The following CCDC171 variants were observed in gnomAD, a reference collection of about 807,000 sequenced individuals.
The protein encoded by CCDC171 is coiled-coil domain containing 171.
Under a neutral mutation model 168.2 loss-of-function variants are expected in CCDC171, and 177 were observed. That is an observed-to-expected ratio of 1.05 (90% CI 0.93 to 1.19). The LOEUF is 1.19. CCDC171 is among the 50% of genes most tolerant of loss of function. The pLI, the probability that CCDC171 is intolerant of heterozygous loss-of-function variation, is 0.00. For synonymous variants in CCDC171, 687 were observed against 540.8 expected, an observed-to-expected ratio of 1.27 and a Z score of -3.75; for missense variants, 1,991 against 1,539.0, an observed-to-expected ratio of 1.29 and a Z score of -4.91.
intron 18 of CCDC171, among the ~76,000 whole-genome samples, chr9:15,759,724 C>T (rs1007713583): frequency 2.6e-5 from 4 of 152,154 alleles, no homozygotes; most frequent in African/African-American, 7.2e-5. Context: ...AGAAGTGACA[C>T]TGTACTTTGC....
intron 7 of CCDC171, among the ~76,000 whole-genome samples, chr9:15,650,165 C>T (rs372005607): frequency 2.7e-4 from 41 of 152,164 alleles, no homozygotes; most frequent in Admixed American, 5.2e-4. Flanking sequence ...AACCAAACAC[C>T]GCATGTTCTC....
intron 1 of CCDC171, among the ~76,000 whole-genome samples, chr9:16,059,504 T>C (rs35510860): frequency 3.1e-5 from 4 of 130,988 alleles, no homozygotes; most frequent in African/African-American, 8.6e-5. Context: ...TTTTTTTTTT[T>C]CTTTTTTTTT....
chr9:15,591,665 T>G (rs2042017124), intron 5 of CCDC171, 109 bp downstream of exon 5: 2 of 665,102 alleles, frequency 3.0e-6, no homozygotes, highest in South Asian at 4.3e-5. Context: ...TCCTTCCTCC[T>G]TCCTTCCTCC....
rs1357340796 is a variant in CCDC171, at chr9:15,596,577, G to A, written c.675+2405G>A. Among the ~76,000 whole-genome samples the A allele has an allele frequency of 2.0e-3, 282 of 143,892 alleles. 2 individuals carry two copies. The highest frequency in any genetic ancestry group is 6.8e-3 in the African/African-American group (263 of 38,406). The allele number at this position is 143,892 out of a possible 152,430, so 94.4% of individuals were successfully genotyped here. ...GTAGTATAGTTTGAAGTCAGGTAGC[G>A]TGATGCCTCCAGCTTTGTTCTTTTG... On this transcript the variant is annotated intron_variant, in intron 6 of 25. Coordinates refer to ENST00000380701, the MANE Select transcript of CCDC171 (RefSeq NM_173550.4).
At chr9:15,990,676 C>G (rs139631667) in intron 3 of CCDC171, among the ~76,000 whole-genome samples, 11,619 of 152,146 alleles carry the variant, frequency 0.076, 1,461 homozygotes, top group African/African-American at 0.27. Context: ...GTATTCAGGA[C>G]ACCCATCTTA....
At chr9:15,854,962 C>G (rs1453239646) in intron 23 of CCDC171, among the ~76,000 whole-genome samples, 1 of 151,426 alleles carries the variant, frequency 6.6e-6, no homozygotes, top group Non-Finnish European at 1.5e-5. Context: ...GATTTCTATC[C>G]TTTTTAAGTT....
chr9:16,099,948 T>C, the CCDC171 span, among the ~76,000 whole-genome samples: 1 of 151,534 alleles, frequency 6.6e-6, no homozygotes, highest in African/African-American at 2.4e-5. Context: ...GGCCAGTCTA[T>C]GACAAACTAG....
chr9:15,875,182 G>C (rs1178210569), intron 24 of CCDC171: 1 of 151,958 alleles, frequency 6.6e-6, no homozygotes, highest in Non-Finnish European at 1.5e-5. Context: ...TTCTATTGAA[G>C]AGTATTTTAC....
chr9:15,928,264 G>A (rs1826106914), intron 25 of CCDC171, among the ~76,000 whole-genome samples: 1 of 151,658 alleles, frequency 6.6e-6, no homozygotes, highest in African/African-American at 2.4e-5. Context: ...TATAACTGAG[G>A]GACTTCACTT....
chr9:16,009,464 TA>T (rs1564117047), intron 3 of CCDC171, among the ~76,000 whole-genome samples: 1 of 152,160 alleles, frequency 6.6e-6, no homozygotes, highest in Admixed American at 6.6e-5. Context: ...ATTTTTCTAA[TA>T]AAAAAGGAGA....
In CCDC171 at chr9:15,744,705, A is replaced by G. The variant is rs1414186578; in HGVS notation, c.2482A>G (p.Met828Val). ...ATCATGTGCCTCTCTTTTTACCTGG[A>G]TGGAGAGTTTCAAAGAAGGCATAGG... The part of the protein sequence containing the change: ...GQSCASLFTW[M>V]ESFKEGIGML... The change falls in exon 17 of 26, where the codon ATG becomes GTG. Residue 828 changes from methionine (M) to valine (V), a missense_variant. By Grantham distance (21) the Met-to-Val change is conservative. Transcript: ENST00000380701. 4 of 1,613,998 alleles carry G rather than the reference A, an allele frequency of 2.5e-6. No homozygotes were observed. The highest frequency in any genetic ancestry group is 3.4e-6 in the Non-Finnish European group (4 of 1,180,010).
chr9:16,105,818 A>G, the CCDC171 span, among the ~76,000 whole-genome samples: 1 of 152,250 alleles, frequency 6.6e-6, no homozygotes, highest in Non-Finnish European at 1.5e-5. Context: ...AAATGTATGT[A>G]TCACAAGCAA....
At chr9:16,061,626 C>T (rs1051649053), downstream of CCDC171, 9 of 152,300 alleles carry the variant, frequency 5.9e-5, no homozygotes, top group African/African-American at 2.2e-4. Context: ...AATGCTAATA[C>T]AATACTACTG....
intron 23 of CCDC171, among the ~76,000 whole-genome samples, chr9:15,868,846 A>G (rs1280549895): frequency 1.3e-5 from 2 of 151,974 alleles, no homozygotes; most frequent in Non-Finnish European, 1.5e-5. Flanking sequence ...TATGGAGAGT[A>G]CGGTTGTCCC....
chr9:15,692,035 A>G (rs1052713320), intron 10 of CCDC171, among the ~76,000 whole-genome samples: 1 of 152,196 alleles, frequency 6.6e-6, no homozygotes, highest in Non-Finnish European at 1.5e-5. Flanking sequence ...GGACTTCTTG[A>G]GTATTTTATA....
At chr9:15,612,168 G>A (rs2043747077) in intron 6 of CCDC171, among the ~76,000 whole-genome samples, 1 of 152,170 alleles carries the variant, frequency 6.6e-6, no homozygotes, top group Non-Finnish European at 1.5e-5. Flanking sequence ...CTAGTTTATG[G>A]TATATCTTGT....
intron 23 of CCDC171, among the ~76,000 whole-genome samples, chr9:15,871,583 C>G (rs541318764): frequency 1.3e-5 from 2 of 151,982 alleles, no homozygotes; most frequent in East Asian, 3.9e-4. Flanking sequence ...ATCCAATAAG[C>G]TGTACTTCCT....
chr9:15,748,837 A>C (rs957553540), intron 18 of CCDC171, among the ~76,000 whole-genome samples: 21 of 152,170 alleles, frequency 1.4e-4, no homozygotes, highest in African/African-American at 5.1e-4. Context: ...TAAACATGGA[A>C]AGGAACAACT....
chr9:15,666,373 G>T, intron 9 of CCDC171, 50 bp downstream of exon 9: 2 of 1,328,476 alleles, frequency 1.5e-6, no homozygotes, highest in South Asian at 2.7e-5. Context: ...GATTTTAAAA[G>T]AGCTATATAA....
Sources: gnomAD v4.1 joint callset for allele counts (sites outside exome capture counted in the v4.1 genomes callset) on GRCh38, gnomAD v4.1.1 for gene constraint, MANE v1.5 for transcripts, NCBI Gene and HGNC (gene_info 2026-07-23, HGNC 2026-07-21) for gene names.